The following ARHGAP39 variants were observed in gnomAD, a reference collection of about 807,000 sequenced individuals.
ARHGAP39 encodes the protein rho GTPase-activating protein 39.
Under a neutral mutation model 106.9 loss-of-function variants are expected in ARHGAP39, and 44 were observed. That is an observed-to-expected ratio of 0.41 (90% CI 0.32 to 0.53). The LOEUF (loss-of-function observed/expected upper bound fraction) is 0.53. Among genes scored for constraint, ARHGAP39 ranks in the 20% least tolerant of loss-of-function variants. The probability of loss-of-function intolerance (pLI) is 0.21; values close to 1 mark genes in which losing one functional copy is unlikely to be tolerated. For synonymous variants in ARHGAP39, 768 were observed against 693.2 expected, an observed-to-expected ratio of 1.11 and a Z score of -1.69; for missense variants, 1,496 against 1,577.3, an observed-to-expected ratio of 0.95 and a Z score of 0.87.
At position 144,545,448 on chromosome 8, in the gene ARHGAP39, G is replaced by C. The variant is rs762989350; in HGVS notation, c.2322C>G (p.Gly774=). 1 of 1,593,878 alleles carries C rather than the reference G, an allele frequency of 6.3e-7. No homozygotes were observed. The highest frequency in any genetic ancestry group is 1.1e-5 in the South Asian group (1 of 90,370). The change falls in exon 6 of 12, where the codon GGC becomes GGG. Residue 774 remains glycine, a synonymous_variant. Coordinates refer to ENST00000377307, the MANE Select transcript of ARHGAP39 (RefSeq NM_025251.3). ...CGTCCCGCAGGCCCTGCACGCTCCA[G>C]CCCTTGGTGGCCACCTCCAGGGCCA... ...LHVALEVATK[G]WSVQGLRDEL... is the part of the protein sequence containing the mutation.
chr8:144,602,044 TGTGCGTGGAGGCATGC>T (rs1820002029), intron 2 of ARHGAP39, among the ~76,000 whole-genome samples: 1 of 142,748 alleles, frequency 7.0e-6, no homozygotes, highest in South Asian at 2.3e-4. Context: ...AACCTGTGTG[TGTGCGTGGAGGCATGC>T]GTGCGTGCTC....
intron 6 of ARHGAP39, among the ~76,000 whole-genome samples, chr8:144,539,086 T>G (rs1817083830): frequency 6.6e-6 from 1 of 152,110 alleles, no homozygotes; most frequent in Non-Finnish European, 1.5e-5. Flanking sequence ...CAAGGAACTC[T>G]GGATCGTTTT....
At position 144,619,343 on chromosome 8, in the gene ARHGAP39, C is replaced by T. The variant is rs188416597; in HGVS notation, c.-81-13648G>A. 2.8e-3 allele frequency among the ~76,000 whole-genome samples: 425 copies of T among 152,352 alleles called. 4 individuals are homozygous for T. Among genetic ancestry groups the T allele is most frequent in the African/African-American group, 9.6e-3 (398 of 41,582 alleles). On this transcript the variant is annotated intron_variant, in intron 1 of 11. Coordinates refer to ENST00000377307, the MANE Select transcript of ARHGAP39 (RefSeq NM_025251.3). Reference sequence around the variant, plus strand: ...CGGGTCCCCATCCCCGCTCCAGGGCCGGCACGCAGCATGCATGTGGGCCTG... The same window carrying T: ...CGGGTCCCCATCCCCGCTCCAGGGCTGGCACGCAGCATGCATGTGGGCCTG...
At chr8:144,661,328 G>A (rs1452255348) in intron 1 of ARHGAP39, among the ~76,000 whole-genome samples, 5 of 152,284 alleles carry the variant, frequency 3.3e-5, no homozygotes, top group Middle Eastern at 6.8e-3. Context: ...GCGCATTCGC[G>A]CGTGACACTC....
chr8:144,673,764 G>A (rs1822161640), intron 1 of ARHGAP39, among the ~76,000 whole-genome samples: 1 of 152,200 alleles, frequency 6.6e-6, no homozygotes, highest in Admixed American at 6.5e-5. Flanking sequence ...CACACTACCG[G>A]CCCAGATCCC....
intron 1 of ARHGAP39, among the ~76,000 whole-genome samples, chr8:144,652,201 A>G: frequency 6.6e-6 from 1 of 152,164 alleles, no homozygotes; most frequent in Non-Finnish European, 1.5e-5. Flanking sequence ...CCTGGGCGAC[A>G]GTGCAAGACC....
At chr8:144,697,905 C>T in the ARHGAP39 span, among the ~76,000 whole-genome samples, 4 of 152,058 alleles carry the variant, frequency 2.6e-5, no homozygotes, top group African/African-American at 9.7e-5. Context: ...TGATATGCTG[C>T]TTGATTCTAT....
In ARHGAP39 at chr8:144,547,577, T is replaced by C. The variant is rs544554213; in HGVS notation, c.1509A>G (p.Gln503=). Residue 503 remains glutamine (Q), a synonymous_variant, in exon 5 of 12, where the codon CAA becomes CAG. Transcript: ENST00000377307. This position sits in a 1 kb window ranked among gnomAD's most constrained non-coding sequence, Gnocchi z 5.2. The part of the protein sequence containing the change: ...KRKSRKPSLC[Q]ATSATPTEGP... ...CCTCAGTGGGGGTGGCGCTGGTGGC[T>C]TGGCACAAAGAGGGCTTTCTGCTCT... is the stretch of plus-strand genomic sequence containing the variant. The C allele has an allele frequency of 3.1e-5, 46 of 1,473,240 alleles. No homozygotes were observed. In the African/African-American group the frequency reaches 4.5e-4, roughly 14 times the overall value. The allele number at this position is 1,473,240 out of a possible 1,614,324, so 91.3% of individuals were successfully genotyped here.
chr8:144,551,808 C>T (rs1278232150), intron 4 of ARHGAP39, among the ~76,000 whole-genome samples: 11 of 152,230 alleles, frequency 7.2e-5, no homozygotes, highest in Non-Finnish European at 1.5e-5. Context: ...GCACCCATGG[C>T]TCAGCTGCCC....
intron 1 of ARHGAP39, among the ~76,000 whole-genome samples, chr8:144,621,421 G>A (rs1820804159): frequency 6.6e-6 from 1 of 152,238 alleles, no homozygotes; most frequent in African/African-American, 2.4e-5. Flanking sequence ...CAGTCCCATG[G>A]CTTCATATCA....
At chr8:144,659,691 T>C (rs1479819444) in intron 1 of ARHGAP39, among the ~76,000 whole-genome samples, 1 of 152,236 alleles carries the variant, frequency 6.6e-6, no homozygotes, top group Non-Finnish European at 1.5e-5. Context: ...GCTTATTCGC[T>C]GGTTCTGATG....
At chr8:144,622,262 T>A (rs1820825815) in intron 1 of ARHGAP39, among the ~76,000 whole-genome samples, 1 of 152,108 alleles carries the variant, frequency 6.6e-6, no homozygotes. Flanking sequence ...TGGCCAAGGC[T>A]GAGGTGAGCT....
rs1821454713 is a variant in ARHGAP39 at position 144,646,798 on chromosome 8, C to T, written c.-82+38888G>A. Among the ~76,000 whole-genome samples, 1 of 152,150 alleles carries T rather than the reference C, an allele frequency of 6.6e-6. No homozygotes were observed. The highest frequency in any genetic ancestry group is 6.5e-5 in the Admixed American group (1 of 15,278). ...CAAGCGGGCCATGGCCCTGGCACTGCACGTGAGGAAACAAGGCCTTGGGTT... is the reference window on the plus strand; with the variant it reads ...CAAGCGGGCCATGGCCCTGGCACTGTACGTGAGGAAACAAGGCCTTGGGTT... On this transcript the variant is annotated intron_variant, in intron 1 of 11. Transcript: ENST00000377307. This position sits in a 1 kb window ranked among gnomAD's most constrained non-coding sequence, Gnocchi z 5.7.
At chr8:144,551,120 G>A in intron 4 of ARHGAP39, among the ~76,000 whole-genome samples, 1 of 152,142 alleles carries the variant, frequency 6.6e-6, no homozygotes, top group East Asian at 1.9e-4. Context: ...GCCAGGCCTA[G>A]GGAAGGACTG....
chr8:144,560,514 C>T (rs181209612), intron 3 of ARHGAP39, among the ~76,000 whole-genome samples: 100 of 152,300 alleles, frequency 6.6e-4, no homozygotes, highest in Non-Finnish European at 8.5e-4. Context: ...CACATAATTA[C>T]GGTACAGAAC....
chr8:144,682,410 G>A (rs535883491), intron 1 of ARHGAP39, among the ~76,000 whole-genome samples: 4 of 151,012 alleles, frequency 2.6e-5, no homozygotes, highest in South Asian at 2.1e-4. Flanking sequence ...TTAGCCAGGC[G>A]TGGTGGCAGG....
Position 144,605,504 on chromosome 8 carries a change from G to A in ARHGAP39, c.80+31C>T, listed in dbSNP as rs200126954. The stretch of plus-strand genomic sequence containing the variant: ...GCAGTTCCACCCACTCGTGAGGCCC[G>A]GGCAGCTCCGCAGGTCGGTCGGCTC... On this transcript the variant is annotated intron_variant, in intron 2 of 11. Coordinates refer to ENST00000377307, the MANE Select transcript of ARHGAP39 (RefSeq NM_025251.3). The A allele has an allele frequency of 2.3e-4, 370 of 1,611,472 alleles. 1 individual carries two copies. Among genetic ancestry groups the A allele is most frequent in the Admixed American group, 1.5e-3 (88 of 60,006 alleles).
At chr8:144,683,368 G>C (rs1173544969) in intron 1 of ARHGAP39, 1 of 134,400 alleles carries the variant, frequency 7.4e-6, no homozygotes, top group African/African-American at 2.8e-5. Context: ...TTTTTTTTGA[G>C]ACAGAGTCTC....
At chr8:144,629,151 T>C (rs1820999232) in intron 1 of ARHGAP39, among the ~76,000 whole-genome samples, 1 of 152,204 alleles carries the variant, frequency 6.6e-6, no homozygotes, top group Non-Finnish European at 1.5e-5. Flanking sequence ...CTACATGAGT[T>C]GCAAACTCTA....
Sources: gnomAD v4.1 joint callset for allele counts (sites outside exome capture counted in the v4.1 genomes callset) on GRCh38, gnomAD v4.1.1 for gene constraint, Gnocchi (gnomAD v3.1) non-coding constraint, MANE v1.5 for transcripts, NCBI Gene and HGNC (gene_info 2026-07-23, HGNC 2026-07-21) for gene names.